Variants in TBC1D15 observed in about 807,000 individuals in gnomAD.
TBC1D15 encodes the protein TBC1 domain family member 15.
Under a neutral mutation model 95.4 loss-of-function variants are expected in TBC1D15, and 39 were observed. That is an observed-to-expected ratio of 0.41 (90% CI 0.32 to 0.53). The LOEUF (loss-of-function observed/expected upper bound fraction) is 0.53, where lower values mean the gene tolerates loss of function less well. Ranked by LOEUF, TBC1D15 falls within the 20% of genes least tolerant of loss-of-function variation. The pLI is 0.29. For synonymous variants in TBC1D15, 258 were observed against 261.3 expected (o/e 0.99, Z 0.12); for missense variants, 733 against 794.3 (o/e 0.92, Z 0.93).
chr12:71,862,098 C>G (rs1890510186), intron 1 of TBC1D15, among the ~76,000 whole-genome samples: 1 of 152,126 alleles, frequency 6.6e-6, no homozygotes, highest in Admixed American at 6.5e-5. Flanking sequence ...AGTGGTCTAA[C>G]ATGTTCTGTC....
intron 6 of TBC1D15, among the ~76,000 whole-genome samples, chr12:71,894,089 A>C (rs967549989): frequency 6.6e-6 from 1 of 152,052 alleles, no homozygotes; most frequent in African/African-American, 2.4e-5. Context: ...GAATGAGCAA[A>C]TAGTTTGGGC....
intron 1 of TBC1D15, among the ~76,000 whole-genome samples, chr12:71,853,841 ATT>A (rs1391887605): frequency 6.6e-6 from 1 of 152,222 alleles, no homozygotes; most frequent in Non-Finnish European, 1.5e-5. Context: ...TGCTTTGTGA[ATT>A]ATGAGATTTC....
chr12:71,849,177 A>AC, intron 1 of TBC1D15: 3 of 282,558 alleles, frequency 1.1e-5, no homozygotes, highest in Non-Finnish European at 2.0e-5. Flanking sequence ...AAAAAAAAAA[A>AC]ACAAAAAAAA....
rs572611571 is a variant in TBC1D15, at chr12:71,882,245, A to G, written c.343+1638A>G. The stretch of plus-strand genomic sequence containing the variant: ...TTAAGAGCATTTTGCTTTATATTTC[A>G]TAAGAGTTTCTACTGCTACATCCTT... On this transcript the variant is annotated intron_variant, in intron 4 of 16. Coordinates refer to ENST00000485960, the MANE Select transcript of TBC1D15 (RefSeq NM_001146213.3). Among the ~76,000 whole-genome samples the G allele has an allele frequency of 5.3e-5, 8 of 152,278 alleles. No individual in the cohort carries two copies. In the South Asian group the frequency reaches 1.7e-3, roughly 32 times the overall value.
chr12:71,906,064 G>T (rs1348282937), intron 10 of TBC1D15, among the ~76,000 whole-genome samples: 1 of 151,910 alleles, frequency 6.6e-6, no homozygotes, highest in Non-Finnish European at 1.5e-5. Flanking sequence ...GTAGAGACAG[G>T]GTTTCGCCAT....
At chr12:71,861,218 A>C (rs1438415598) in intron 1 of TBC1D15, among the ~76,000 whole-genome samples, 1 of 152,162 alleles carries the variant, frequency 6.6e-6, no homozygotes. Context: ...TGCTGCCCTT[A>C]TACAATGAGT....
chr12:71,889,761 A>G (rs1300197298), intron 5 of TBC1D15, among the ~76,000 whole-genome samples: 8 of 152,186 alleles, frequency 5.3e-5, no homozygotes, highest in Admixed American at 5.2e-4. Flanking sequence ...AGTATCTGAT[A>G]GGTAGTTTTT....
At chr12:71,896,558 T>C in intron 8 of TBC1D15, 119 bp from the exon 9 acceptor site, 1 of 766,960 alleles carries the variant, frequency 1.3e-6, no homozygotes, top group East Asian at 2.7e-5. Context: ...TGAATTGAAC[T>C]ATTTACATAT....
intron 5 of TBC1D15, 45 bp downstream of exon 5, chr12:71,885,066 A>T (rs544412056): frequency 6.3e-7 from 1 of 1,588,326 alleles, no homozygotes; most frequent in African/African-American, 1.3e-5. Context: ...AGATCATTGT[A>T]TTAATCCCAA....
chr12:71,896,649 A>G (rs755486818), intron 8 of TBC1D15, 28 bp from the exon 9 acceptor site: 2 of 1,562,014 alleles, frequency 1.3e-6, no homozygotes, highest in Non-Finnish European at 1.7e-6. Context: ...TTTTTCATTC[A>G]TGTATTTAAT....
At chr12:71,871,602 A>G (rs1182988434) in intron 1 of TBC1D15, among the ~76,000 whole-genome samples, 1 of 152,168 alleles carries the variant, frequency 6.6e-6, no homozygotes, top group African/African-American at 2.4e-5. Flanking sequence ...TTTTTTATAG[A>G]GATGAGTTCT....
chr12:71,908,561 A>G (rs1247113069), intron 11 of TBC1D15, among the ~76,000 whole-genome samples: 2 of 152,184 alleles, frequency 1.3e-5, no homozygotes, highest in Non-Finnish European at 2.9e-5. Context: ...AAGTTAGGGG[A>G]AGATATAATC....
chr12:71,921,563 AGGCACAAAGTATT>A, intron 16 of TBC1D15, 109 bp downstream of exon 16: 1 of 551,874 alleles, frequency 1.8e-6, no homozygotes, highest in Non-Finnish European at 3.0e-6. Context: ...AGCTGAGGGC[AGGCACAAAGTATT>A]GGCTGGCTTT....
chr12:71,884,722 T>C, intron 4 of TBC1D15, 89 bp from the exon 5 acceptor site: 1 of 1,234,246 alleles, frequency 8.1e-7, no homozygotes, highest in South Asian at 1.3e-5. Context: ...TGGGTTCAAC[T>C]AATTTATGTT....
Position 71,839,822 on chromosome 12 carries a change from G to C in TBC1D15, c.30+11G>C, listed in dbSNP as rs1385603472. 2 of 1,613,988 alleles carry C rather than the reference G, an allele frequency of 1.2e-6. No homozygotes were observed. Among genetic ancestry groups the C allele is most frequent in the Non-Finnish European group, 1.7e-6 (2 of 1,179,988 alleles). ...GTTGTGAGCGGGAAGGTAGGTAACG[G>C]CCTCCAGGAAGACCTCGGCTTTTCT... On this transcript the variant is annotated intron_variant, in intron 1 of 16. Transcript: ENST00000485960.
At chr12:71,900,734 G>A (rs886307018) in intron 10 of TBC1D15, among the ~76,000 whole-genome samples, 78 of 152,226 alleles carry the variant, frequency 5.1e-4, no homozygotes, top group Admixed American at 5.0e-3. Flanking sequence ...AACATATGTG[G>A]TATGTTAGTG....
Position 71,868,076 on chromosome 12 carries a change from A to G in TBC1D15, c.31-3994A>G, listed in dbSNP as rs1422376193. Among the ~76,000 whole-genome samples the G allele has an allele frequency of 2.0e-5, 3 of 152,248 alleles. No homozygotes were observed. In the East Asian group the frequency reaches 5.8e-4, roughly 29 times the overall value. On this transcript the variant is annotated intron_variant, in intron 1 of 16. Transcript: ENST00000485960. The stretch of plus-strand genomic sequence containing the variant: ...ATTTCTGACAGAAGTGTTACTTTGT[A>G]TCAGTTAACATCACACCCTTCAAAA...
intron 1 of TBC1D15, among the ~76,000 whole-genome samples, chr12:71,863,052 A>C (rs1032695569): frequency 2.0e-5 from 3 of 152,126 alleles, no homozygotes; most frequent in African/African-American, 7.2e-5. Context: ...ATATCATCTC[A>C]TACTGTCCTG....
chr12:71,880,651 T>C, intron 4 of TBC1D15, 44 bp downstream of exon 4: 1 of 1,532,624 alleles, frequency 6.5e-7, no homozygotes, highest in Non-Finnish European at 8.8e-7. Context: ...TTTGCTACAG[T>C]ATACTAATAA....
Sources: gnomAD v4.1 joint callset for allele counts (sites outside exome capture counted in the v4.1 genomes callset) on GRCh38, gnomAD v4.1.1 for gene constraint, MANE v1.5 for transcripts, NCBI Gene and HGNC (gene_info 2026-07-23, HGNC 2026-07-21) for gene names.